SMPDL3A: variants seen among roughly 807,000 people sequenced by gnomAD.
The protein encoded by SMPDL3A is sphingomyelin phosphodiesterase acid like 3A, also known as cyclic GMP-AMP phosphodiesterase SMPDL3A.
SMPDL3A carries 39 observed loss-of-function variants against 38.5 expected under a neutral mutation model. The ratio of observed to expected loss-of-function variants is 1.01; its 90% CI spans 0.78 to 1.32. The LOEUF (loss-of-function observed/expected upper bound fraction) is 1.32. Ranked by LOEUF, SMPDL3A falls within the 40% of genes most tolerant of loss-of-function variation. The probability of loss-of-function intolerance (pLI) is 0.00; values close to 1 mark genes in which losing one functional copy is unlikely to be tolerated. For missense variants in SMPDL3A, 502 were observed against 536.2 expected, an observed-to-expected ratio of 0.94 and a Z score of 0.63; for synonymous variants, 180 against 194.3, an observed-to-expected ratio of 0.93 and a Z score of 0.61.
intron 4 of SMPDL3A, among the ~76,000 whole-genome samples, chr6:122,801,867 C>T (rs1474686006): frequency 6.6e-6 from 1 of 152,148 alleles, no homozygotes; most frequent in East Asian, 1.9e-4. Context: ...GTAAGGCCTT[C>T]CCTGGGTCAT....
At chr6:122,791,018 T>C (rs1008850368) in intron 1 of SMPDL3A, among the ~76,000 whole-genome samples, 1 of 152,218 alleles carries the variant, frequency 6.6e-6, no homozygotes, top group South Asian at 2.1e-4. Flanking sequence ...AGGTCTGAAG[T>C]GTTCACTCAG....
At chr6:122,801,728 A>G (rs1781434690) in intron 4 of SMPDL3A, among the ~76,000 whole-genome samples, 1 of 152,262 alleles carries the variant, frequency 6.6e-6, no homozygotes, top group Non-Finnish European at 1.5e-5. Flanking sequence ...GATTGAGAAG[A>G]GAGAATGGAC....
Position 122,800,914 on chromosome 6 carries a change from G to C in SMPDL3A, c.472-396G>C, listed in dbSNP as rs1251758312. On this transcript the variant is annotated intron_variant, in intron 3 of 7. Transcript: ENST00000368440. ...TATGGGTGCTCACCACCATGCCTGG[G>C]TAATTTTTGTGTTTGTAGTAGAGAT... Among the ~76,000 whole-genome samples, 5 of 151,962 alleles carry C rather than the reference G, an allele frequency of 3.3e-5. No homozygotes were observed. In the East Asian group the frequency reaches 9.7e-4, roughly 29 times the overall value.
At chr6:122,799,469 G>A (rs1310821627) in intron 3 of SMPDL3A, among the ~76,000 whole-genome samples, 1 of 152,208 alleles carries the variant, frequency 6.6e-6, no homozygotes, top group East Asian at 1.9e-4. Flanking sequence ...GAAAGTCTAA[G>A]TGATTTTTAC....
intron 3 of SMPDL3A, among the ~76,000 whole-genome samples, chr6:122,801,066 T>C (rs888306593): frequency 2.6e-5 from 4 of 152,190 alleles, no homozygotes; most frequent in Non-Finnish European, 1.5e-5. Flanking sequence ...CTACACTTGA[T>C]TGTTCTTGCT....
chr6:122,790,418 A>C (rs1781041380), intron 1 of SMPDL3A, among the ~76,000 whole-genome samples: 1 of 152,208 alleles, frequency 6.6e-6, no homozygotes, highest in South Asian at 2.1e-4. Context: ...CCCTTTAAAA[A>C]TAATTGCACT....
intron 5 of SMPDL3A, among the ~76,000 whole-genome samples, chr6:122,804,522 G>T (rs1219817057): frequency 1.3e-5 from 2 of 151,772 alleles, no homozygotes; most frequent in East Asian, 3.9e-4. Context: ...TGATGCCCAG[G>T]TTGGTCTCGA....
At chr6:122,791,174 G>C (rs1350310021) in intron 1 of SMPDL3A, among the ~76,000 whole-genome samples, 1 of 152,020 alleles carries the variant, frequency 6.6e-6, no homozygotes, top group African/African-American at 2.4e-5. Context: ...TTGTGTTTTT[G>C]CGTTTAAATT....
chr6:122,804,102 C>T (rs1309011597), intron 5 of SMPDL3A, among the ~76,000 whole-genome samples: 1 of 151,674 alleles, frequency 6.6e-6, no homozygotes, highest in African/African-American at 2.4e-5. Context: ...ATTCTCCTGC[C>T]TCTGCCTCCC....
intron 1 of SMPDL3A, among the ~76,000 whole-genome samples, chr6:122,794,437 A>T (rs1781176746): frequency 1.3e-5 from 2 of 152,142 alleles, no homozygotes; most frequent in South Asian, 4.2e-4. Flanking sequence ...CTCTACTAAA[A>T]ATACAAAAAA....
At position 122,809,428 on chromosome 6, in the gene SMPDL3A, A is replaced by G; in HGVS notation, c.*20A>G. The G allele has an allele frequency of 4.5e-6, 7 of 1,541,700 alleles. No individual in the cohort carries two copies. Among genetic ancestry groups the G allele is most frequent in the Non-Finnish European group, 6.2e-6 (7 of 1,128,466 alleles). ...TACTAGTATTTCACAGTTTTTGCTA[A>G]TAGAAAATGCTGATTCTGATTCTGA... On this transcript the variant is annotated 3_prime_UTR_variant, in exon 8 of 8. Transcript: ENST00000368440.
At chr6:122,801,031 A>G (rs1781413257) in intron 3 of SMPDL3A, among the ~76,000 whole-genome samples, 1 of 152,208 alleles carries the variant, frequency 6.6e-6, no homozygotes, top group Non-Finnish European at 1.5e-5. Context: ...GATTATAGGC[A>G]TGAGCCACTG....
Position 122,809,528 on chromosome 6 carries a change from CTTTT to C in SMPDL3A, c.*128_*131del, listed in dbSNP as rs57678429. On this transcript the variant is annotated 3_prime_UTR_variant, in exon 8 of 8. Transcript: ENST00000368440. Reference sequence around the variant, plus strand: ...CAAGTAGACTTCCTGTCTTTGCTTTCTTTTTTTTTTTCTTTTTGATGCCTTAATG... The same window carrying C: ...CAAGTAGACTTCCTGTCTTTGCTTTCTTTTTTTCTTTTTGATGCCTTAATG... The C allele has an allele frequency of 1.1e-5, 6 of 527,702 alleles. No homozygotes were observed. The highest frequency in any genetic ancestry group is 1.6e-5 in the Non-Finnish European group (5 of 311,002). The allele number at this position is 527,702 out of a possible 1,614,324, so 32.7% of individuals were successfully genotyped here. A position where few individuals can be genotyped will look rare whatever the true frequency, so the allele number is the denominator to read the frequency against.
At position 122,789,429 on chromosome 6, in the gene SMPDL3A, C is replaced by T. The variant is rs1420122268; in HGVS notation, c.83C>T (p.Ala28Val). The change falls in exon 1 of 8, where the codon GCA (alanine) becomes GTA (valine). Residue 28 changes from alanine to valine, a missense_variant. Transcript: ENST00000368440. ...GGCCTCGGGCTGCCCGTGGCGCCCGCAGGCGGCAGGAATCCTCCTCCGGCG... is the reference window on the plus strand; with the variant it reads ...GGCCTCGGGCTGCCCGTGGCGCCCGTAGGCGGCAGGAATCCTCCTCCGGCG... Reference protein sequence around the residue: ...RSGLGLPVAPAGGRNPPPAIG... With the variant: ...RSGLGLPVAPVGGRNPPPAIG... 1.3e-6 allele frequency: 2 copies of T among 1,549,372 alleles called. No homozygotes were observed. The highest frequency in any genetic ancestry group is 1.7e-6 in the Non-Finnish European group (2 of 1,146,286).
chr6:122,791,777 T>C (rs907640036), intron 1 of SMPDL3A, among the ~76,000 whole-genome samples: 1 of 152,168 alleles, frequency 6.6e-6, no homozygotes, highest in Non-Finnish European at 1.5e-5. Context: ...CACTGCAAAC[T>C]CCGCCTCCCG....
chr6:122,792,441 A>AT (rs1781107009), intron 1 of SMPDL3A, among the ~76,000 whole-genome samples: 1 of 152,186 alleles, frequency 6.6e-6, no homozygotes, highest in Non-Finnish European at 1.5e-5. Flanking sequence ...AAGGGCTACT[A>AT]TAAGTCATGC....
chr6:122,809,431 G>T lies in SMPDL3A; in HGVS notation c.*23G>T. ...TAGTATTTCACAGTTTTTGCTAATA[G>T]AAAATGCTGATTCTGATTCTGAGAT... On this transcript the variant is annotated 3_prime_UTR_variant, in exon 8 of 8. Transcript: ENST00000368440. The T allele has an allele frequency of 6.6e-7, 1 of 1,516,502 alleles. No individual in the cohort carries two copies. Among genetic ancestry groups the T allele is most frequent in the Non-Finnish European group, 9.0e-7 (1 of 1,108,226 alleles). The allele number at this position is 1,516,502 out of a possible 1,614,324, so 93.9% of individuals were successfully genotyped here. A position where few individuals can be genotyped will look rare whatever the true frequency, so the allele number is the denominator to read the frequency against.
intron 1 of SMPDL3A, 118 bp downstream of exon 1, chr6:122,789,576 G>T (rs1780995279): frequency 8.9e-6 from 9 of 1,013,194 alleles, no homozygotes; most frequent in African/African-American, 1.7e-5. Context: ...TCGGGCTAGC[G>T]GGGCCCCTGA....
chr6:122,802,578 T>G (rs1781462751), intron 4 of SMPDL3A, among the ~76,000 whole-genome samples: 1 of 152,122 alleles, frequency 6.6e-6, no homozygotes, highest in Non-Finnish European at 1.5e-5. Flanking sequence ...CCATAAAGAA[T>G]GATCAAGATC....
Sources: gnomAD v4.1 joint callset for allele counts (sites outside exome capture counted in the v4.1 genomes callset) on GRCh38, gnomAD v4.1.1 for gene constraint, MANE v1.5 for transcripts, NCBI Gene and HGNC (gene_info 2026-07-23, HGNC 2026-07-21) for gene names.